Variants in PHYHIPL observed in about 807,000 individuals in gnomAD.
PHYHIPL encodes phytanoyl-CoA 2-hydroxylase interacting protein like, also known as phytanoyl-CoA hydroxylase-interacting protein-like.
A neutral mutation model predicts 33.4 loss-of-function variants in PHYHIPL; 9 were observed. The observed-to-expected ratio is 0.27, with a 90% CI of 0.16 to 0.47. PHYHIPL has a LOEUF of 0.47. PHYHIPL is among the 20% of genes least tolerant of loss of function. The pLI is 0.99. For missense variants in PHYHIPL, 365 were observed against 460.7 expected (o/e 0.79, Z 1.90); for synonymous variants, 153 against 154.1 (o/e 0.99, Z 0.05).
At chr10:59,190,378 A>T (rs1037056190) in intron 1 of PHYHIPL, among the ~76,000 whole-genome samples, 17 of 151,952 alleles carry the variant, frequency 1.1e-4, no homozygotes, top group African/African-American at 3.4e-4. Context: ...AAAGTAGAAT[A>T]ATGAAAGAAT....
chr10:59,247,675 T>C lies in PHYHIPL; in HGVS notation c.*2084T>C. ...GACCTCTAATAGTCTCAGTTTGGCT[T>C]TTATGTGCTTATATTCATAATACTC... On this transcript the variant is annotated 3_prime_UTR_variant, in exon 5 of 5. Coordinates refer to ENST00000373880, the MANE Select transcript of PHYHIPL (RefSeq NM_032439.4). 1.2e-6 allele frequency: 2 copies of C among 1,613,572 alleles called. No homozygotes were observed. The highest frequency in any genetic ancestry group is 1.7e-6 in the Non-Finnish European group (2 of 1,179,678).
chr10:59,176,895 C>G lies in PHYHIPL; in HGVS notation c.42C>G (p.Thr14=). 3 of 1,613,732 alleles carry G rather than the reference C, an allele frequency of 1.9e-6. No homozygotes were observed. The highest frequency in any genetic ancestry group is 2.5e-6 in the Non-Finnish European group (3 of 1,179,842). The change falls in exon 1 of 5, where the codon ACC becomes ACG. Residue 14 remains threonine, a synonymous_variant. Transcript: ENST00000373880. ...TGGATCATGCCCTCAACAGCCCCAC[C>G]AGCCCCTGTGAGGAGGTGATCAAAA... ...PRLDHALNSP[T]SPCEEVIKNL...
chr10:59,243,512 T>G (rs889944718), intron 4 of PHYHIPL, among the ~76,000 whole-genome samples: 1 of 152,174 alleles, frequency 6.6e-6, no homozygotes, highest in Admixed American at 6.5e-5. Flanking sequence ...TTATTGTGTT[T>G]CCTCATTCTC....
intron 1 of PHYHIPL, among the ~76,000 whole-genome samples, chr10:59,223,520 A>C (rs1203247482): frequency 6.6e-6 from 1 of 152,192 alleles, no homozygotes; most frequent in African/African-American, 2.4e-5. Flanking sequence ...TGAAAGTTGG[A>C]TATCCATAAT....
Position 59,247,505 on chromosome 10 carries a change from C to G in PHYHIPL, c.*1914C>G, listed in dbSNP as rs922118578. The G allele has an allele frequency of 7.2e-7, 1 of 1,390,640 alleles. No individual in the cohort carries two copies. Among genetic ancestry groups the G allele is most frequent in the African/African-American group, 1.4e-5 (1 of 69,672 alleles). The allele number at this position is 1,390,640 out of a possible 1,614,324, so 86.1% of individuals were successfully genotyped here. A position where few individuals can be genotyped will look rare whatever the true frequency, so the allele number is the denominator to read the frequency against. On this transcript the variant is annotated 3_prime_UTR_variant, in exon 5 of 5. Coordinates refer to ENST00000373880, the MANE Select transcript of PHYHIPL (RefSeq NM_032439.4). ...TTCTTAAAAACAGCTAATACTACCACTAAAGTGCTTCCATTTTCATTGTGT... is the reference window on the plus strand; with the variant it reads ...TTCTTAAAAACAGCTAATACTACCAGTAAAGTGCTTCCATTTTCATTGTGT...
At chr10:59,180,560 G>T (rs1171631024) in intron 1 of PHYHIPL, among the ~76,000 whole-genome samples, 1 of 151,318 alleles carries the variant, frequency 6.6e-6, no homozygotes, top group Admixed American at 6.6e-5. Context: ...GTCCAGATAC[G>T]GTATAAACCA....
intron 1 of PHYHIPL, among the ~76,000 whole-genome samples, chr10:59,186,066 C>T (rs908833874): frequency 2.0e-4 from 31 of 152,126 alleles, no homozygotes; most frequent in Non-Finnish European, 4.0e-4. Flanking sequence ...ATGGTATTGC[C>T]TGGGTTTTCT....
At position 59,212,625 on chromosome 10, in the gene PHYHIPL, A is replaced by G. The variant is rs150121555; in HGVS notation, c.107-21679A>G. The stretch of plus-strand genomic sequence containing the variant: ...GTCACTTTCCTTTTTCTGTCCATAA[A>G]TCCTCTTCAACCACTCAGCAGCACC... On this transcript the variant is annotated intron_variant, in intron 1 of 4. Coordinates refer to ENST00000373880, the MANE Select transcript of PHYHIPL (RefSeq NM_032439.4). Among the ~76,000 whole-genome samples the G allele has an allele frequency of 4.7e-3, 721 of 152,238 alleles. 4 individuals carry two copies. Among genetic ancestry groups the G allele is most frequent in the African/African-American group, 0.017 (696 of 41,534 alleles).
chr10:59,180,313 A>AAAAT (rs1838373088), intron 1 of PHYHIPL, among the ~76,000 whole-genome samples: 1 of 50,582 alleles, frequency 2.0e-5, no homozygotes, highest in Non-Finnish European at 3.5e-5. Context: ...ATATAGAAAA[A>AAAAT]GTATATATAT....
intron 1 of PHYHIPL, among the ~76,000 whole-genome samples, chr10:59,223,142 A>G (rs1210182283): frequency 3.2e-4 from 48 of 152,228 alleles, no homozygotes. Flanking sequence ...TAATGGAGGT[A>G]TGTAATTTGT....
At chr10:59,201,867 T>C (rs1198297405) in intron 1 of PHYHIPL, among the ~76,000 whole-genome samples, 1 of 152,190 alleles carries the variant, frequency 6.6e-6, no homozygotes, top group East Asian at 1.9e-4. Flanking sequence ...ATTAGAGGTT[T>C]ATCATTTATT....
At chr10:59,233,775 A>T (rs751426158) in intron 1 of PHYHIPL, among the ~76,000 whole-genome samples, 32 of 151,938 alleles carry the variant, frequency 2.1e-4, no homozygotes, top group Non-Finnish European at 4.4e-4. Context: ...CCACAGATAA[A>T]ACATTTCTAG....
chr10:59,244,454 C>G (rs1009819859), intron 4 of PHYHIPL, among the ~76,000 whole-genome samples: 10 of 148,202 alleles, frequency 6.7e-5, no homozygotes, highest in African/African-American at 2.5e-4. Context: ...GTCCCAGCCA[C>G]TCTGAAGGCT....
intron 1 of PHYHIPL, among the ~76,000 whole-genome samples, chr10:59,229,593 C>T (rs1441674404): frequency 6.6e-6 from 1 of 152,050 alleles, no homozygotes; most frequent in East Asian, 1.9e-4. Flanking sequence ...ATGGATGATT[C>T]GTGAATCGGG....
intron 1 of PHYHIPL, among the ~76,000 whole-genome samples, chr10:59,233,254 A>T (rs377366866): frequency 6.6e-6 from 1 of 152,058 alleles, no homozygotes; most frequent in East Asian, 1.9e-4. Context: ...AAAAGTTTGT[A>T]TCAATGACTG....
intron 1 of PHYHIPL, chr10:59,177,742 G>T (rs1022555986): frequency 6.7e-6 from 8 of 1,188,390 alleles, no homozygotes; most frequent in Non-Finnish European, 9.8e-6. Flanking sequence ...TGCTGTGTGC[G>T]GTGTGGTTAG....
Position 59,238,708 on chromosome 10 carries a change from A to G in PHYHIPL, c.596+3A>G, listed in dbSNP as rs749303826. On this transcript the variant is annotated splice_donor_region_variant and intron_variant, in intron 4 of 4. Transcript: ENST00000373880. ...AAAGAATATTTTGACTATGTTCGGT[A>G]AGATTCAAAAATATATAGTGATTTG... The G allele has an allele frequency of 1.3e-6, 2 of 1,523,866 alleles. No homozygotes were observed. Among genetic ancestry groups the G allele is most frequent in the East Asian group, 2.3e-5 (1 of 44,326 alleles). The allele number at this position is 1,523,866 out of a possible 1,614,324, so 94.4% of individuals were successfully genotyped here. A position where few individuals can be genotyped will look rare whatever the true frequency, so the allele number is the denominator to read the frequency against.
chr10:59,245,852 T>C lies in PHYHIPL; in HGVS notation c.*261T>C. On this transcript the variant is annotated 3_prime_UTR_variant, in exon 5 of 5. Coordinates refer to ENST00000373880, the MANE Select transcript of PHYHIPL (RefSeq NM_032439.4). ...ACTTTATTGCCTAGATGCTGCAATG[T>C]TTTTATGTTTCCTTTATGCCAAACA... 1 of 417,460 alleles carries C rather than the reference T, an allele frequency of 2.4e-6. No individual in the cohort carries two copies. Among genetic ancestry groups the C allele is most frequent in the Non-Finnish European group, 4.3e-6 (1 of 233,332 alleles). 25.9% of individuals were successfully genotyped at this position (417,460 alleles called of 1,614,324 possible). A position where few individuals can be genotyped will look rare whatever the true frequency, so the allele number is the denominator to read the frequency against.
At chr10:59,222,722 G>A (rs113677839) in intron 1 of PHYHIPL, among the ~76,000 whole-genome samples, 23 of 17,480 alleles carry the variant, frequency 1.3e-3, no homozygotes, top group African/African-American at 4.9e-3. Context: ...AAAGTGGGGG[G>A]GGTTTCAAAA....
Sources: gnomAD v4.1 joint callset for allele counts (sites outside exome capture counted in the v4.1 genomes callset) on GRCh38, gnomAD v4.1.1 for gene constraint, MANE v1.5 for transcripts, NCBI Gene and HGNC (gene_info 2026-07-23, HGNC 2026-07-21) for gene names.